The following DGKB variants were observed in gnomAD, a reference collection of about 807,000 sequenced individuals.
The protein encoded by DGKB is 90 kDa diacylglycerol kinase.
A neutral mutation model predicts 114.3 loss-of-function variants in DGKB; 67 were observed. The ratio of observed to expected loss-of-function variants is 0.59; its 90% confidence interval spans 0.48 to 0.72. The LOEUF (loss-of-function observed/expected upper bound fraction) is 0.72. Among genes scored for constraint, DGKB ranks in the 30% least tolerant of loss-of-function variants. The pLI is 0.00. For missense variants in DGKB, 907 were observed against 975.2 expected, an observed-to-expected ratio of 0.93 and a Z score of 0.93; for synonymous variants, 398 against 323.1, an observed-to-expected ratio of 1.23 and a Z score of -2.49.
At chr7:14,160,500 A>C (rs1783717896) in intron 25 of DGKB, among the ~76,000 whole-genome samples, 1 of 152,168 alleles carries the variant, frequency 6.6e-6, no homozygotes. Context: ...CAGAGAGCCA[A>C]CTCCTATTGG....
At chr7:14,273,181 C>CA (rs938509056) in intron 23 of DGKB, among the ~76,000 whole-genome samples, 10 of 151,924 alleles carry the variant, frequency 6.6e-5, no homozygotes, top group East Asian at 1.9e-4. Context: ...CCCAACTCTA[C>CA]AAAAAATACA....
At chr7:14,631,678 G>A (rs1331603757) in intron 13 of DGKB, among the ~76,000 whole-genome samples, 2 of 151,956 alleles carry the variant, frequency 1.3e-5, no homozygotes, top group African/African-American at 4.8e-5. Context: ...GTCCAAATCA[G>A]TCTACATAAC....
intron 1 of DGKB, among the ~76,000 whole-genome samples, chr7:14,899,616 T>C (rs1046579842): frequency 1.3e-5 from 2 of 152,252 alleles, no homozygotes; most frequent in East Asian, 3.9e-4. Flanking sequence ...TGCATTATCT[T>C]CCATTTCCTT....
At position 14,636,002 on chromosome 7, in the gene DGKB, T is replaced by C. The variant is rs551952952; in HGVS notation, c.1135-5734A>G. Among the ~76,000 whole-genome samples, 3 of 151,824 alleles carry C rather than the reference T, an allele frequency of 2.0e-5. No homozygotes were observed. In the East Asian group the frequency reaches 5.8e-4, roughly 29 times the overall value. ...TAAAGCCTAGGTCTCCTTTTCACCA[T>C]CCTTGAAAAAGATCTTGAATTAAAA... is the stretch of plus-strand genomic sequence containing the variant. On this transcript the variant is annotated intron_variant, in intron 13 of 25. Transcript: ENST00000402815.
intron 23 of DGKB, among the ~76,000 whole-genome samples, chr7:14,239,802 T>C (rs1265041460): frequency 6.6e-6 from 1 of 151,990 alleles, no homozygotes; most frequent in African/African-American, 2.4e-5. Flanking sequence ...GTTAGCATAG[T>C]TTTATGTGTG....
intron 13 of DGKB, 110 bp downstream of exon 13, chr7:14,672,819 T>C: frequency 1.7e-6 from 1 of 571,690 alleles, no homozygotes; most frequent in Non-Finnish European, 3.1e-6. Flanking sequence ...TAGATCTATA[T>C]ACTTCTACCT....
intron 21 of DGKB, among the ~76,000 whole-genome samples, chr7:14,368,445 T>G (rs1264979966): frequency 6.6e-6 from 1 of 152,160 alleles, no homozygotes; most frequent in Non-Finnish European, 1.5e-5. Flanking sequence ...GCACTAGGCG[T>G]GGCACACAGA....
rs532495862 is a variant in DGKB at position 14,310,337 on chromosome 7, G to C, written c.2122+28178C>G. On this transcript the variant is annotated intron_variant, in intron 23 of 25. Coordinates refer to ENST00000402815, the MANE Select transcript of DGKB (RefSeq NM_001350709.2). ...TTCTTGAATAAAAATGGGAACGATA[G>C]AATCTCTAAATAATAGATACCAAGA... 2.0e-5 allele frequency among the ~76,000 whole-genome samples: 3 copies of C among 152,136 alleles called. No homozygotes were observed. The South Asian group carries it at 6.2e-4, about 31-fold the overall frequency.
At chr7:14,795,300 T>C (rs1265707852) in intron 2 of DGKB, among the ~76,000 whole-genome samples, 1 of 152,090 alleles carries the variant, frequency 6.6e-6, no homozygotes, top group Non-Finnish European at 1.5e-5. Context: ...GCTTGTGGAG[T>C]TTGATTCTAA....
intron 20 of DGKB, among the ~76,000 whole-genome samples, chr7:14,479,511 G>T (rs1279618591): frequency 2.6e-5 from 4 of 151,956 alleles, no homozygotes; most frequent in Non-Finnish European, 5.9e-5. Context: ...TATAATAAAG[G>T]TTACAAAAAT....
intron 20 of DGKB, among the ~76,000 whole-genome samples, chr7:14,567,222 TAATA>T (rs1797572519): frequency 2.9e-5 from 2 of 69,430 alleles, no homozygotes; most frequent in Non-Finnish European, 4.8e-5. Flanking sequence ...TATTTATATA[TAATA>T]TATATAATTA....
chr7:14,948,871 T>A (rs2128258964), intron 1 of DGKB, among the ~76,000 whole-genome samples: 1 of 149,376 alleles, frequency 6.7e-6, no homozygotes, highest in South Asian at 2.1e-4. Flanking sequence ...GAGAACAAAC[T>A]CCTTAAAAAG....
At chr7:14,700,203 T>A (rs1463559418) in intron 7 of DGKB, among the ~76,000 whole-genome samples, 1 of 145,374 alleles carries the variant, frequency 6.9e-6, no homozygotes, top group Non-Finnish European at 1.5e-5. Flanking sequence ...TAATAGCATT[T>A]GAAAAAAAAT....
intron 25 of DGKB, among the ~76,000 whole-genome samples, chr7:14,161,737 G>GCAAAC (rs1456831764): frequency 1.3e-5 from 2 of 152,052 alleles, no homozygotes; most frequent in African/African-American, 4.8e-5. Flanking sequence ...GATGGGTGTA[G>GCAAAC]CAAACCACCA....
In DGKB at chr7:14,876,928, T is replaced by A. The variant is rs76735741; in HGVS notation, c.-188+25664A>T. Among the ~76,000 whole-genome samples the A allele has an allele frequency of 8.5e-4, 130 of 152,340 alleles. 3 individuals carry two copies. The East Asian group carries it at 0.021, about 24-fold the overall frequency. On this transcript the variant is annotated intron_variant, in intron 1 of 25. Transcript: ENST00000402815. ...TGTTTACTAAACAAGATTAGCAATATCCTCCAAATTCTGTTTACAGAAAAG... is the reference window on the plus strand; with the variant it reads ...TGTTTACTAAACAAGATTAGCAATAACCTCCAAATTCTGTTTACAGAAAAG...
At chr7:14,162,201 C>T (rs1214765449) in intron 25 of DGKB, among the ~76,000 whole-genome samples, 1 of 152,034 alleles carries the variant, frequency 6.6e-6, no homozygotes, top group Non-Finnish European at 1.5e-5. Flanking sequence ...ATAGTCAGGC[C>T]CAGACCTTGT....
At chr7:14,347,298 T>G (rs1453310456) in intron 21 of DGKB, among the ~76,000 whole-genome samples, 1 of 152,022 alleles carries the variant, frequency 6.6e-6, no homozygotes, top group Non-Finnish European at 1.5e-5. Flanking sequence ...TAACAAGCAC[T>G]GGCAAGGGTG....
rs146324399 is a variant in DGKB, at chr7:14,777,999, T to C, written c.71-20268A>G. ...TTTAAATCTAGCTACAATAATCACA[T>C]GCTTCAGTAAAAATGTCACATTAAT... is the stretch of plus-strand genomic sequence containing the variant. On this transcript the variant is annotated intron_variant, in intron 2 of 25. Transcript: ENST00000402815. 4.4e-3 allele frequency among the ~76,000 whole-genome samples: 676 copies of C among 152,316 alleles called. 2 individuals are homozygous for C. The highest frequency in any genetic ancestry group is 7.3e-3 in the Non-Finnish European group (499 of 68,026).
intron 21 of DGKB, among the ~76,000 whole-genome samples, chr7:14,421,399 CTT>C (rs1295176223): frequency 6.6e-6 from 1 of 151,944 alleles, no homozygotes; most frequent in Non-Finnish European, 1.5e-5. Flanking sequence ...TTTAAAATAA[CTT>C]TTTGAATAAA....
Sources: gnomAD v4.1 joint callset for allele counts (sites outside exome capture counted in the v4.1 genomes callset) on GRCh38, gnomAD v4.1.1 for gene constraint, MANE v1.5 for transcripts, NCBI Gene and HGNC (gene_info 2026-07-23, HGNC 2026-07-21) for gene names.